Variants in DMXL2 observed in about 807,000 individuals in gnomAD.
The protein encoded by DMXL2 is Dmx like 2, also known as dmX-like protein 2.
A neutral mutation model predicts 331.1 loss-of-function variants in DMXL2; 103 were observed. The ratio of observed to expected loss-of-function variants is 0.31; its 90% CI spans 0.27 to 0.37. The LOEUF (loss-of-function observed/expected upper bound fraction) is 0.37, where lower values mean the gene tolerates loss of function less well. DMXL2 is among the 10% of genes least tolerant of loss of function. DMXL2 has a pLI of 1.00. For missense variants in DMXL2, 3,171 were observed against 3,642.9 expected, an observed-to-expected ratio of 0.87 and a Z score of 3.33; for synonymous variants, 1,281 against 1,252.1, an observed-to-expected ratio of 1.02 and a Z score of -0.49.
chr15:51,457,406 G>T lies in DMXL2; in HGVS notation c.8259C>A (p.Ser2753=). The T allele has an allele frequency of 6.2e-7, 1 of 1,614,200 alleles. No homozygotes were observed. The highest frequency in any genetic ancestry group is 8.5e-7 in the Non-Finnish European group (1 of 1,180,008). The change falls in exon 37 of 44, where the codon TCC becomes TCA. Residue 2753 remains serine (S), a synonymous_variant. Transcript: ENST00000560891. ...TTTLYQPSAT[S]YSASQVHPPS... is the part of the protein sequence containing the mutation. ...GTGGATGCACCTGACTTGCTGAATA[G>T]GATGTTGCACTGGGTTGATAAAGAG...
chr15:51,585,037 A>G lies in DMXL2; in HGVS notation c.88-8856T>C, dbSNP rs1454627729. On this transcript the variant is annotated intron_variant, in intron 1 of 43. Transcript: ENST00000560891. ...CTTAAGGAGATTTTGGGCTGAGACG[A>G]TGGGGTTTTCTAGATAAACAATCAT... Among the ~76,000 whole-genome samples the G allele has an allele frequency of 2.0e-3, 13 of 6,404 alleles. 1 individual carries two copies. The East Asian group carries it at 0.022, about 11-fold the overall frequency. 4.2% of individuals were successfully genotyped at this position (6,404 alleles called of 152,430 possible).
intron 6 of DMXL2, among the ~76,000 whole-genome samples, chr15:51,558,152 T>A (rs2049721920): frequency 6.6e-6 from 1 of 152,192 alleles, no homozygotes; most frequent in Non-Finnish European, 1.5e-5. Context: ...AAATGATGTG[T>A]GTAAAGAACA....
At chr15:51,465,393 TA>T (rs964551240) in intron 31 of DMXL2, among the ~76,000 whole-genome samples, 172 bp downstream of exon 31, 1 of 152,050 alleles carries the variant, frequency 6.6e-6, no homozygotes, top group Admixed American at 6.6e-5. Flanking sequence ...AGACTCTATC[TA>T]AAAAAATAAA....
intron 43 of DMXL2, 76 bp downstream of exon 43, chr15:51,450,053 T>G: frequency 1.5e-6 from 2 of 1,338,936 alleles, no homozygotes; most frequent in Non-Finnish European, 2.1e-6. Context: ...AAGCTTTATT[T>G]CAAAGAATGT....
chr15:51,494,602 G>A (rs986345767), intron 19 of DMXL2, among the ~76,000 whole-genome samples: 2 of 152,148 alleles, frequency 1.3e-5, no homozygotes, highest in African/African-American at 4.8e-5. Flanking sequence ...AGATCTTCCT[G>A]AATCATCAAC....
intron 1 of DMXL2, among the ~76,000 whole-genome samples, chr15:51,601,464 G>A (rs950257675): frequency 1.3e-5 from 2 of 152,030 alleles, no homozygotes; most frequent in Non-Finnish European, 2.9e-5. Flanking sequence ...GTGAGATAGG[G>A]ACCAAGTCTT....
chr15:51,469,631 T>C (rs1258296477), intron 29 of DMXL2, among the ~76,000 whole-genome samples: 1 of 152,176 alleles, frequency 6.6e-6, no homozygotes, highest in Non-Finnish European at 1.5e-5. Flanking sequence ...TCAGAACATA[T>C]ATCAGGAGGA....
At chr15:51,572,592 C>G (rs915616765) in intron 2 of DMXL2, among the ~76,000 whole-genome samples, 1 of 152,186 alleles carries the variant, frequency 6.6e-6, no homozygotes, top group African/African-American at 2.4e-5. Flanking sequence ...CCATCACCAT[C>G]AAATCGGCTT....
chr15:51,532,498 A>G (rs2048060403), intron 13 of DMXL2, among the ~76,000 whole-genome samples: 1 of 152,170 alleles, frequency 6.6e-6, no homozygotes, highest in African/African-American at 2.4e-5. Flanking sequence ...TCAATAATTT[A>G]ATTGCTCATT....
chr15:51,457,605 T>A (rs2039745917), intron 36 of DMXL2, 139 bp from the exon 37 acceptor site: 18 of 954,860 alleles, frequency 1.9e-5, no homozygotes, highest in Non-Finnish European at 2.6e-5. Flanking sequence ...TAGGTACAAG[T>A]CCTAATCGCC....
At chr15:51,599,548 T>A (rs1004223891) in intron 1 of DMXL2, among the ~76,000 whole-genome samples, 1 of 152,234 alleles carries the variant, frequency 6.6e-6, no homozygotes. Flanking sequence ...GCTCTATGTC[T>A]GTTTAAATAT....
At chr15:51,516,896 G>A (rs1004780629) in intron 14 of DMXL2, among the ~76,000 whole-genome samples, 182 bp downstream of exon 14, 1 of 152,138 alleles carries the variant, frequency 6.6e-6, no homozygotes, top group African/African-American at 2.4e-5. Flanking sequence ...ACAGTTCTTG[G>A]TTTCCCAAGG....
intron 3 of DMXL2, among the ~76,000 whole-genome samples, chr15:51,566,053 T>C (rs1485718826): frequency 6.6e-6 from 1 of 151,972 alleles, no homozygotes; most frequent in Non-Finnish European, 1.5e-5. Flanking sequence ...TATAAAAACT[T>C]TAAAAATTAG....
rs66990182 is a variant in DMXL2 at position 51,560,504 on chromosome 15, CAA to C, written c.567+2875_567+2876del. ...CAACATAATGAAACCTTATTTCTACCAAAAAAAAAAAAAAAAAAAAAAAAAAA... is the reference window on the plus strand; with the variant it reads ...CAACATAATGAAACCTTATTTCTACCAAAAAAAAAAAAAAAAAAAAAAAAA... On this transcript the variant is annotated intron_variant, in intron 6 of 43. Coordinates refer to ENST00000560891, the MANE Select transcript of DMXL2 (RefSeq NM_001378457.1). 9.0e-3 allele frequency among the ~76,000 whole-genome samples: 374 copies of C among 41,548 alleles called. 6 individuals carry two copies. The East Asian group carries it at 0.12, about 13-fold the overall frequency. 27.3% of individuals were successfully genotyped at this position (41,548 alleles called of 152,430 possible). A position where few individuals can be genotyped will look rare whatever the true frequency, so the allele number is the denominator to read the frequency against.
chr15:51,471,824 T>C (rs1012322923), intron 28 of DMXL2, among the ~76,000 whole-genome samples: 2 of 152,080 alleles, frequency 1.3e-5, no homozygotes, highest in Non-Finnish European at 2.9e-5. Context: ...TATAAACAAA[T>C]AATCAAAGAA....
intron 13 of DMXL2, among the ~76,000 whole-genome samples, chr15:51,518,317 G>A (rs1469249369): frequency 4.6e-5 from 7 of 151,982 alleles, no homozygotes; most frequent in African/African-American, 1.7e-4. Context: ...TGGGTGACAG[G>A]GCGAGACTCC....
In DMXL2 at chr15:51,480,054, G is replaced by C; in HGVS notation, c.6650C>G (p.Thr2217Arg). Residue 2217 changes from threonine (T) to arginine (R), a missense_variant, in exon 25 of 44, where the codon ACA (threonine) becomes AGA (arginine). Thr to Arg is a moderately conservative substitution (Grantham distance 71). Transcript: ENST00000560891. ...GTACAATACAGGATTAGCTATGACTGTTTTTGTTGACGCAATACTTGCTGA... is the reference window on the plus strand; with the variant it reads ...GTACAATACAGGATTAGCTATGACTCTTTTTGTTGACGCAATACTTGCTGA... Reference protein sequence around the residue: ...LLSASIASTKTVIANPVLYLN... With the variant: ...LLSASIASTKRVIANPVLYLN... 1 of 1,603,700 alleles carries C rather than the reference G, an allele frequency of 6.2e-7. No individual in the cohort carries two copies. Among genetic ancestry groups the C allele is most frequent in the Non-Finnish European group, 8.5e-7 (1 of 1,171,952 alleles).
intron 13 of DMXL2, among the ~76,000 whole-genome samples, chr15:51,526,835 A>G (rs373482481): frequency 1.6e-4 from 24 of 152,300 alleles, no homozygotes; most frequent in African/African-American, 5.8e-4. Context: ...TTGAAAACAC[A>G]CAGAGGAGAC....
chr15:51,493,906 A>G (rs1567024575), intron 19 of DMXL2, among the ~76,000 whole-genome samples: 1 of 152,030 alleles, frequency 6.6e-6, no homozygotes. Flanking sequence ...CTTCTTTTTT[A>G]TTTTATATTT....
Sources: gnomAD v4.1 joint callset for allele counts (sites outside exome capture counted in the v4.1 genomes callset) on GRCh38, gnomAD v4.1.1 for gene constraint, MANE v1.5 for transcripts, NCBI Gene and HGNC (gene_info 2026-07-23, HGNC 2026-07-21) for gene names.